Variants in ANKAR observed in about 807,000 individuals in gnomAD.
ANKAR encodes ankyrin and armadillo repeat containing.
In ANKAR, 136 loss-of-function variants were observed where a neutral mutation model predicts 146.2. The observed-to-expected ratio is 0.93, with a 90% CI of 0.81 to 1.07. The LOEUF (loss-of-function observed/expected upper bound fraction) is 1.07. Among genes scored for constraint, ANKAR ranks in the 50% least tolerant of loss-of-function variants. ANKAR has a pLI of 0.00. For missense variants in ANKAR, 1,567 were observed against 1,679.9 expected, an observed-to-expected ratio of 0.93 and a Z score of 1.18; for synonymous variants, 500 against 575.8, an observed-to-expected ratio of 0.87 and a Z score of 1.88.
intron 3 of ANKAR, 96 bp from the exon 4 acceptor site, chr2:189,692,159 C>A: frequency 9.5e-7 from 1 of 1,053,592 alleles, no homozygotes; most frequent in Non-Finnish European, 1.3e-6. Context: ...CTGGAATTTT[C>A]TCACTTTGTT....
At chr2:189,761,444 T>C (rs762987905), downstream of ANKAR, 6 of 1,606,240 alleles carry the variant, frequency 3.7e-6, no homozygotes, top group South Asian at 5.6e-5. Flanking sequence ...AGTTTGGGAA[T>C]GTATTGCTTC....
intron 2 of ANKAR, among the ~76,000 whole-genome samples, chr2:189,679,200 T>C (rs1360844826): frequency 6.6e-6 from 1 of 152,218 alleles, no homozygotes; most frequent in Non-Finnish European, 1.5e-5. Context: ...TATTTAACTT[T>C]ATTTAATTTT....
intron 9 of ANKAR, among the ~76,000 whole-genome samples, chr2:189,709,415 T>C (rs796357381): frequency 2.0e-5 from 3 of 152,270 alleles, no homozygotes; most frequent in African/African-American, 7.2e-5. Flanking sequence ...AAACCGATTG[T>C]ATATGGAGTG....
intron 18 of ANKAR, among the ~76,000 whole-genome samples, chr2:189,758,678 G>C (rs2046466556): frequency 6.6e-6 from 1 of 152,216 alleles, no homozygotes; most frequent in East Asian, 1.9e-4. Context: ...AAAGGCCACT[G>C]AACACCTGTG....
At position 189,746,628 on chromosome 2, in the gene ANKAR, T is replaced by C; in HGVS notation, c.*1T>C. On this transcript the variant is annotated 3_prime_UTR_variant, in exon 23 of 23. Transcript: ENST00000684021. ...CAACCCAGAGCCTGCAGAAGGCTAA[T>C]AAAACATTTTAGAATGAAAGGATTC... is the stretch of plus-strand genomic sequence containing the variant. 1.3e-6 allele frequency: 2 copies of C among 1,572,930 alleles called. No individual in the cohort carries two copies. Among genetic ancestry groups the C allele is most frequent in the Middle Eastern group, 1.7e-4 (1 of 5,836 alleles).
chr2:189,691,302 C>G (rs567983429), intron 3 of ANKAR, among the ~76,000 whole-genome samples: 1 of 152,208 alleles, frequency 6.6e-6, no homozygotes, highest in African/African-American at 2.4e-5. Flanking sequence ...GTGATCCACC[C>G]GCCTCGGCCT....
intron 18 of ANKAR, among the ~76,000 whole-genome samples, chr2:189,751,658 T>G (rs1227622187): frequency 2.0e-5 from 3 of 151,240 alleles, no homozygotes; most frequent in Non-Finnish European, 4.4e-5. Flanking sequence ...TTGGCCAGGC[T>G]GGTCTCGAAC....
At chr2:189,711,745 T>C (rs756976615) in intron 10 of ANKAR, among the ~76,000 whole-genome samples, 10 of 152,164 alleles carry the variant, frequency 6.6e-5, no homozygotes, top group Non-Finnish European at 8.8e-5. Flanking sequence ...CTGGGACTGA[T>C]TGGACAGTGG....
chr2:189,744,990 T>TCTACTACTACTACTACTACTACTACTA lies in ANKAR; in HGVS notation c.4057+215_4057+241dup, dbSNP rs543460540. On this transcript the variant is annotated intron_variant, in intron 22 of 22. Transcript: ENST00000684021. Reference sequence around the variant, plus strand: ...CTAGCCAATATGGTGAAACCCCATCTCTACTACTACTACTACTACTACTAC... The same window carrying TCTACTACTACTACTACTACTACTACTA: ...CTAGCCAATATGGTGAAACCCCATCTCTACTACTACTACTACTACTACTACTACTACTACTACTACTACTACTACTAC... Among the ~76,000 whole-genome samples the TCTACTACTACTACTACTACTACTACTA allele has an allele frequency of 1.4e-3, 160 of 112,402 alleles. 3 individuals carry two copies. Among genetic ancestry groups the TCTACTACTACTACTACTACTACTACTA allele is most frequent in the South Asian group, 8.7e-3 (30 of 3,468 alleles). The allele number at this position is 112,402 out of a possible 152,430, so 73.7% of individuals were successfully genotyped here. A position where few individuals can be genotyped will look rare whatever the true frequency, so the allele number is the denominator to read the frequency against.
intron 9 of ANKAR, among the ~76,000 whole-genome samples, chr2:189,708,495 T>C (rs2039263590): frequency 1.3e-5 from 2 of 152,212 alleles, no homozygotes; most frequent in South Asian, 4.1e-4. Context: ...CATTTCTGTT[T>C]TTCACTTTTA....
downstream of ANKAR, among the ~76,000 whole-genome samples, chr2:189,748,970 G>A (rs2044618592): frequency 6.6e-6 from 1 of 151,972 alleles, no homozygotes; most frequent in South Asian, 2.1e-4. Context: ...TTATTGGCTG[G>A]GCATGATGGC....
rs768264489 is a variant in ANKAR at position 189,755,298 on chromosome 2, C to T, written c.*585-5800C>T. The T allele has an allele frequency of 2.2e-5, 35 of 1,613,346 alleles. No homozygotes were observed. The highest frequency in any genetic ancestry group is 1.1e-4 in the East Asian group (5 of 44,892). On this transcript the variant is annotated intron_variant and NMD_transcript_variant, in intron 18 of 18. Transcript: ENST00000441800. Reference sequence around the variant, plus strand: ...ATCAAAAGAACTAAAAAAGGAAATTCTACTTTATTGGTCAACCTAATAGTA... The same window carrying T: ...ATCAAAAGAACTAAAAAAGGAAATTTTACTTTATTGGTCAACCTAATAGTA...
chr2:189,754,144 C>T (rs553841379), intron 18 of ANKAR: 6 of 1,613,084 alleles, frequency 3.7e-6, no homozygotes, highest in Non-Finnish European at 5.1e-6. Context: ...AATATACCTT[C>T]CTCTTTTTCC....
intron 7 of ANKAR, among the ~76,000 whole-genome samples, chr2:189,701,534 C>T (rs186237118): frequency 0.011 from 1,735 of 152,326 alleles, 17 homozygotes; most frequent in Non-Finnish European, 0.017. Context: ...TGTGCCTTGG[C>T]CTGGAGGTTT....
chr2:189,676,759 A>G lies in ANKAR; in HGVS notation c.269A>G (p.Asp90Gly). Residue 90 changes from aspartate to glycine, a missense_variant, in exon 2 of 23, where the codon GAC (aspartate) becomes GGC (glycine). By Grantham distance (94) the Asp-to-Gly change is moderately conservative. Transcript: ENST00000684021. ...FSTAILLTPV[D>G]PTALLDYREV... ...ACTGCAATCCTACTGACTCCCGTGG[A>G]CCCTACTGCCCTCTTAGACTATAGA... is the stretch of plus-strand genomic sequence containing the variant. The G allele has an allele frequency of 6.2e-7, 1 of 1,614,078 alleles. No individual in the cohort carries two copies. Among genetic ancestry groups the G allele is most frequent in the Admixed American group, 1.7e-5 (1 of 60,002 alleles).
At position 189,741,323 on chromosome 2, in the gene ANKAR, T is replaced by G. The variant is rs1170389420; in HGVS notation, c.3701-19T>G. 6.5e-7 allele frequency: 1 copy of G among 1,538,112 alleles called. No homozygotes were observed. Among genetic ancestry groups the G allele is most frequent in the South Asian group, 1.2e-5 (1 of 84,030 alleles). Reference sequence around the variant, plus strand: ...ATATCAATTAAATAACACAAGCATTTTTCTTGTTTAATTTATAGGGAATTT... The same window carrying G: ...ATATCAATTAAATAACACAAGCATTGTTCTTGTTTAATTTATAGGGAATTT... On this transcript the variant is annotated intron_variant, in intron 19 of 22. Transcript: ENST00000684021.
intron 10 of ANKAR, among the ~76,000 whole-genome samples, chr2:189,715,981 C>T (rs1285775556): frequency 3.3e-5 from 5 of 152,292 alleles, no homozygotes; most frequent in South Asian, 4.1e-4. Context: ...CAGCCAATAT[C>T]GTACTGAATG....
intron 2 of ANKAR, among the ~76,000 whole-genome samples, chr2:189,685,151 A>G (rs1200348624): frequency 6.6e-6 from 1 of 151,922 alleles, no homozygotes; most frequent in South Asian, 2.1e-4. Context: ...GACTACAGGA[A>G]CTTGCCACCA....
downstream of ANKAR, among the ~76,000 whole-genome samples, chr2:189,749,308 A>G (rs1225076): frequency 0.018 from 2,540 of 144,118 alleles, 92 homozygotes; most frequent in African/African-American, 0.061. Context: ...TTTTTAAACA[A>G]TGTGTGAAAA....
Sources: gnomAD v4.1 joint callset for allele counts (sites outside exome capture counted in the v4.1 genomes callset) on GRCh38, gnomAD v4.1.1 for gene constraint, MANE v1.5 for transcripts, NCBI Gene and HGNC (gene_info 2026-07-23, HGNC 2026-07-21) for gene names.